The following CSE1L variants were observed in gnomAD, a reference collection of about 807,000 sequenced individuals.
CSE1L encodes chromosome segregation 1 like.
In CSE1L, 24 loss-of-function variants were observed where a neutral mutation model predicts 120.4. The ratio of observed to expected loss-of-function variants is 0.20; its 90% CI spans 0.14 to 0.28. CSE1L has a LOEUF of 0.28. CSE1L is among the 10% of genes least tolerant of loss of function. The pLI, the probability that CSE1L is intolerant of heterozygous loss-of-function variation, is 1.00. For missense variants in CSE1L, 830 were observed against 1,145.2 expected (o/e 0.72, Z 3.97); for synonymous variants, 402 against 398.3 (o/e 1.01, Z -0.11).
At chr20:49,050,385 ATTTTTTTTTT>A (rs1243770980) in intron 1 of CSE1L, among the ~76,000 whole-genome samples, 15 of 79,034 alleles carry the variant, frequency 1.9e-4, no homozygotes, top group African/African-American at 2.9e-4. Flanking sequence ...AGCCCAGCTA[ATTTTTTTTTT>A]TTTTTTTTTT....
chr20:49,046,591 G>C (rs1350462758), intron 1 of CSE1L, among the ~76,000 whole-genome samples, 168 bp downstream of exon 1: 1 of 152,184 alleles, frequency 6.6e-6, no homozygotes, highest in African/African-American at 2.4e-5. Flanking sequence ...CAAGGTCTTC[G>C]GCTTCCCTAG....
In CSE1L at chr20:49,090,729, C is replaced by G; in HGVS notation, c.2182-13C>G. The G allele has an allele frequency of 6.2e-7, 1 of 1,605,066 alleles. No individual in the cohort carries two copies. On this transcript the variant is annotated splice_polypyrimidine_tract_variant and intron_variant, in intron 19 of 24. Transcript: ENST00000262982. ...CTGTTAACCATTTTCTGTTGGATCT[C>G]ATTTCTTAACAGCCTGGGTTACTAG...
In CSE1L at chr20:49,058,553, A is replaced by G; in HGVS notation, c.85+5A>G. On this transcript the variant is annotated splice_donor_5th_base_variant and intron_variant, in intron 2 of 24. Transcript: ENST00000262982. ...ATCCTGCCATCCGACGTCCAGGTAA[A>G]GAAAATAAACGTTTTTTGGTTGATT... 1 of 1,612,038 alleles carries G rather than the reference A, an allele frequency of 6.2e-7. No individual in the cohort carries two copies. Among genetic ancestry groups the G allele is most frequent in the South Asian group, 1.1e-5 (1 of 90,926 alleles).
chr20:49,085,166 G>T (rs1485172846), intron 15 of CSE1L, 117 bp from the exon 16 acceptor site: 2 of 728,892 alleles, frequency 2.7e-6, no homozygotes, highest in Admixed American at 2.4e-5. Flanking sequence ...TCAATTGTCA[G>T]TGGTGGGAGA....
chr20:49,055,503 G>A (rs1448800313), intron 1 of CSE1L, among the ~76,000 whole-genome samples: 1 of 152,120 alleles, frequency 6.6e-6, no homozygotes, highest in Non-Finnish European at 1.5e-5. Context: ...AATTGCTTGA[G>A]GTCAGGAGTT....
intron 1 of CSE1L, among the ~76,000 whole-genome samples, chr20:49,052,236 A>T (rs975380404): frequency 6.6e-6 from 1 of 152,184 alleles, no homozygotes; most frequent in Non-Finnish European, 1.5e-5. Context: ...CTTACTAAAT[A>T]TGTACTGTGT....
At chr20:49,070,680 C>T (rs1051615656) in intron 8 of CSE1L, among the ~76,000 whole-genome samples, 3 of 125,940 alleles carry the variant, frequency 2.4e-5, no homozygotes, top group African/African-American at 1.1e-4. Context: ...CCTGTAATCC[C>T]AGCACTTTGG....
chr20:49,075,433 C>T lies in CSE1L; in HGVS notation c.1248C>T (p.Tyr416=), dbSNP rs1417437153. ...ATGTTAATTCCATGCTGCAGGAATA[C>T]GCAAAAAATCCATCTGTCAACTGGA... is the stretch of plus-strand genomic sequence containing the variant. The part of the protein sequence containing the change: ...SGYVNSMLQE[Y]AKNPSVNWKH... Residue 416 remains tyrosine, a synonymous_variant, in exon 12 of 25, where the codon TAC becomes TAT. Coordinates refer to ENST00000262982, the MANE Select transcript of CSE1L (RefSeq NM_001316.4). 13 of 1,613,890 alleles carry T rather than the reference C, an allele frequency of 8.1e-6. No individual in the cohort carries two copies. Among genetic ancestry groups the T allele is most frequent in the Middle Eastern group, 1.6e-4 (1 of 6,084 alleles).
intron 10 of CSE1L, among the ~76,000 whole-genome samples, chr20:49,074,176 A>AGTGTGTGTGTGTGTGTGTGT (rs71184254): frequency 6.9e-5 from 8 of 115,424 alleles, no homozygotes; most frequent in Non-Finnish European, 1.0e-4. Context: ...ATACAACTGC[A>AGTGTGTGTGTGTGTGTGTGT]GTGTGTGTGT....
intron 19 of CSE1L, among the ~76,000 whole-genome samples, 184 bp from the exon 20 acceptor site, chr20:49,090,558 A>C (rs1422386570): frequency 1.3e-5 from 2 of 152,208 alleles, no homozygotes; most frequent in African/African-American, 4.8e-5. Context: ...CTCCGTCTCA[A>C]AGAAAAAAAA....
At position 49,055,528 on chromosome 20, in the gene CSE1L, G is replaced by T. The variant is rs559528226; in HGVS notation, c.-11-2925G>T. Among the ~76,000 whole-genome samples the T allele has an allele frequency of 8.5e-5, 13 of 152,114 alleles. No homozygotes were observed. In the East Asian group the frequency reaches 2.5e-3, roughly 30 times the overall value. ...GGTCAGGAGTTCAAGACCAGCCTGCGCAATATGGTGAAACCCCATCTCTAC... is the reference window on the plus strand; with the variant it reads ...GGTCAGGAGTTCAAGACCAGCCTGCTCAATATGGTGAAACCCCATCTCTAC... On this transcript the variant is annotated intron_variant, in intron 1 of 24. Transcript: ENST00000262982.
intron 10 of CSE1L, among the ~76,000 whole-genome samples, chr20:49,073,046 C>G (rs901959720): frequency 6.6e-6 from 1 of 152,170 alleles, no homozygotes; most frequent in Admixed American, 6.5e-5. Flanking sequence ...GGGTCTCGCT[C>G]TGTCACCCAG....
At chr20:49,065,311 A>ATTT (rs2091882373) in intron 3 of CSE1L, among the ~76,000 whole-genome samples, 1 of 66,928 alleles carries the variant, frequency 1.5e-5, no homozygotes, top group African/African-American at 4.2e-5. Context: ...AATGAAAAAA[A>ATTT]AATTTTTTTT....
intron 22 of CSE1L, among the ~76,000 whole-genome samples, chr20:49,093,305 A>AT (rs952996152): frequency 6.6e-6 from 1 of 152,222 alleles, no homozygotes; most frequent in African/African-American, 2.4e-5. Flanking sequence ...CCTTTGAGCC[A>AT]TATTTCCACT....
In CSE1L at chr20:49,070,422, G is replaced by T. The variant is rs188889138; in HGVS notation, c.768+125G>T. 4.9e-4 allele frequency: 273 copies of T among 560,742 alleles called. 2 individuals are homozygous for T. The highest frequency in any genetic ancestry group is 4.8e-3 in the African/African-American group (249 of 51,832). The allele number at this position is 560,742 out of a possible 1,614,324, so 34.7% of individuals were successfully genotyped here. On this transcript the variant is annotated intron_variant, in intron 8 of 24. Transcript: ENST00000262982. The stretch of plus-strand genomic sequence containing the variant: ...AAATTTCAATACTGTAATAATATTT[G>T]ATTCTATTTGATGTTACATGTTTGG...
intron 2 of CSE1L, among the ~76,000 whole-genome samples, chr20:49,060,399 T>A (rs2091842591): frequency 6.6e-6 from 1 of 151,614 alleles, no homozygotes; most frequent in Non-Finnish European, 1.5e-5. Flanking sequence ...GGAGAATTGC[T>A]TGAATCCAGG....
chr20:49,072,792 C>A, intron 10 of CSE1L, 95 bp downstream of exon 10: 1 of 1,181,088 alleles, frequency 8.5e-7, no homozygotes, highest in Non-Finnish European at 1.1e-6. Flanking sequence ...CTGGATAAAA[C>A]TTGTATGTCA....
chr20:49,049,167 A>G (rs1013071723), intron 1 of CSE1L, among the ~76,000 whole-genome samples: 2 of 152,074 alleles, frequency 1.3e-5, no homozygotes, highest in African/African-American at 2.4e-5. Context: ...AGTTACGTGG[A>G]GAAAGAAAAG....
rs1423610716 is a variant in CSE1L at position 49,074,921 on chromosome 20, A to G, written c.1132+71A>G. The G allele has an allele frequency of 2.7e-6, 3 of 1,122,832 alleles. No homozygotes were observed. The Admixed American group carries it at 6.6e-5, about 25-fold the overall frequency. The allele number at this position is 1,122,832 out of a possible 1,614,324, so 69.6% of individuals were successfully genotyped here. The stretch of plus-strand genomic sequence containing the variant: ...TTTAAGGTGGTTCTCTTTCTAGTAA[A>G]TGGGAGAAGTGGGATTGAGAATAAG... On this transcript the variant is annotated intron_variant, in intron 11 of 24. Coordinates refer to ENST00000262982, the MANE Select transcript of CSE1L (RefSeq NM_001316.4).
Sources: allele counts gnomAD v4.1 joint callset (sites outside exome capture counted in the v4.1 genomes callset), GRCh38; gene constraint gnomAD v4.1.1; transcripts MANE v1.5; gene names NCBI Gene and HGNC (gene_info 2026-07-23, HGNC 2026-07-21).